Variants in PRDM14 observed in about 807,000 individuals in gnomAD.
PRDM14 encodes the protein PR domain zinc finger protein 14.
In PRDM14, 16 loss-of-function variants were observed where a neutral mutation model predicts 48.0. That is an observed-to-expected ratio of 0.33 (90% CI 0.23 to 0.51). The LOEUF is 0.51. Ranked by LOEUF, PRDM14 falls within the 20% of genes least tolerant of loss-of-function variation. The pLI is 0.97. For synonymous variants in PRDM14, 264 were observed against 276.6 expected, an observed-to-expected ratio of 0.95 and a Z score of 0.45; for missense variants, 566 against 719.6, an observed-to-expected ratio of 0.79 and a Z score of 2.44.
chr8:70,057,632 A>G (rs72663911), intron 6 of PRDM14, among the ~76,000 whole-genome samples: 24,821 of 152,162 alleles, frequency 0.16, 2,141 homozygotes, highest in South Asian at 0.21. Context: ...GCGCCTGGCC[A>G]GTAAGCCATA....
chr8:70,064,921 C>G (rs1193763099), intron 5 of PRDM14, among the ~76,000 whole-genome samples: 1 of 149,020 alleles, frequency 6.7e-6, no homozygotes, highest in Non-Finnish European at 1.5e-5. Context: ...GAGTCTTACT[C>G]TGTTGCCCAG....
At chr8:70,064,656 C>T (rs1340718440) in intron 5 of PRDM14, among the ~76,000 whole-genome samples, 4 of 151,650 alleles carry the variant, frequency 2.6e-5, no homozygotes, top group Non-Finnish European at 5.9e-5. Context: ...TCCCAAGTAG[C>T]TGGGACTACA....
intron 6 of PRDM14, among the ~76,000 whole-genome samples, chr8:70,057,563 C>G (rs1805497093): frequency 6.6e-6 from 1 of 152,170 alleles, no homozygotes; most frequent in South Asian, 2.1e-4. Context: ...AACTCCTGGC[C>G]TCAGGTGATC....
intron 6 of PRDM14, among the ~76,000 whole-genome samples, chr8:70,057,643 AT>A (rs1805498281): frequency 6.6e-6 from 1 of 152,158 alleles, no homozygotes; most frequent in South Asian, 2.1e-4. Flanking sequence ...GTAAGCCATA[AT>A]TTATATAATC....
In PRDM14 at chr8:70,051,727, C is replaced by T; in HGVS notation, c.*350G>A. Reference sequence around the variant, plus strand: ...AAGGAAATAGAGAGAATCCGAATCTCTTGTTTTTACATTGTCTCCACACTC... The same window carrying T: ...AAGGAAATAGAGAGAATCCGAATCTTTTGTTTTTACATTGTCTCCACACTC... On this transcript the variant is annotated 3_prime_UTR_variant, in exon 8 of 8. Transcript: ENST00000276594. The T allele has an allele frequency of 5.4e-6, 1 of 183,634 alleles. No individual in the cohort carries two copies. The highest frequency in any genetic ancestry group is 1.1e-5 in the Non-Finnish European group (1 of 87,584). The allele number at this position is 183,634 out of a possible 1,614,324, so 11.4% of individuals were successfully genotyped here.
intron 5 of PRDM14, among the ~76,000 whole-genome samples, chr8:70,061,157 G>A (rs1393200865): frequency 2.0e-5 from 3 of 152,148 alleles, no homozygotes; most frequent in Non-Finnish European, 2.9e-5. Flanking sequence ...CAGGTCCCAC[G>A]TCCAGGGGTG....
At chr8:70,063,587 C>G (rs7834989) in intron 5 of PRDM14, among the ~76,000 whole-genome samples, 37,911 of 151,638 alleles carry the variant, frequency 0.25, 6,585 homozygotes, top group African/African-American at 0.49. Context: ...GCAGTGGCGC[C>G]ATCTCAGCTC....
chr8:70,052,366 T>A, intron 7 of PRDM14, 62 bp from the exon 8 acceptor site: 1 of 1,348,090 alleles, frequency 7.4e-7, no homozygotes, highest in African/African-American at 1.4e-5. Flanking sequence ...GGACAACCAA[T>A]TAAACTAAGG....
intron 6 of PRDM14, among the ~76,000 whole-genome samples, chr8:70,056,391 C>T (rs551301515): frequency 6.6e-6 from 1 of 152,312 alleles, no homozygotes; most frequent in Non-Finnish European, 1.5e-5. Flanking sequence ...AACAATTTTT[C>T]TCTGAGAAAG....
chr8:70,057,498 G>A (rs1193525462), intron 6 of PRDM14, among the ~76,000 whole-genome samples: 1 of 151,412 alleles, frequency 6.6e-6, no homozygotes, highest in Non-Finnish European at 1.5e-5. Flanking sequence ...CCCGGCTAAT[G>A]TTTTTATATT....
At position 70,069,739 on chromosome 8, in the gene PRDM14, T is replaced by C; in HGVS notation, c.122A>G (p.Asn41Ser). ...TPFPSYGHYR[N>S]SLATVEEDFQ... is the part of the protein sequence containing the mutation. ...GTCTTCCTCCACGGTGGCCAGGCTG[T>C]TTCTGTAGTGTCCATAGGACGGGAA... Residue 41 changes from asparagine (N) to serine (S), a missense_variant, in exon 2 of 8, where the codon AAC (asparagine) becomes AGC (serine). By Grantham distance (46) the Asn-to-Ser change is conservative (BLOSUM62 1). Transcript: ENST00000276594. The C allele has an allele frequency of 1.2e-6, 2 of 1,602,434 alleles. No homozygotes were observed. Among genetic ancestry groups the C allele is most frequent in the Non-Finnish European group, 8.5e-7 (1 of 1,174,784 alleles).
At chr8:70,056,816 CAAAAA>C (rs761330044) in intron 6 of PRDM14, among the ~76,000 whole-genome samples, 1 of 75,392 alleles carries the variant, frequency 1.3e-5, no homozygotes, top group Non-Finnish European at 2.5e-5. Flanking sequence ...GAGACTGTCT[CAAAAA>C]AAAAAAAAAA....
intron 5 of PRDM14, among the ~76,000 whole-genome samples, chr8:70,062,485 T>C (rs1805601979): frequency 6.6e-6 from 1 of 152,174 alleles, no homozygotes; most frequent in African/African-American, 2.4e-5. Flanking sequence ...ATACATACTT[T>C]ATACACATAG....
Position 70,052,248 on chromosome 8 carries a change from C to T in PRDM14, c.1545G>A (p.Lys515=), listed in dbSNP as rs930997158. 2 of 1,614,194 alleles carry T rather than the reference C, an allele frequency of 1.2e-6. No individual in the cohort carries two copies. The highest frequency in any genetic ancestry group is 2.7e-5 in the African/African-American group (2 of 75,062). ...RTHIRQHSGE[K]PFKCKYCGKS... is the part of the protein sequence containing the mutation. Reference sequence around the variant, plus strand: ...TACCACAGTACTTGCATTTGAAGGGCTTCTCCCCGGAGTGCTGCCTGATGT... The same window carrying T: ...TACCACAGTACTTGCATTTGAAGGGTTTCTCCCCGGAGTGCTGCCTGATGT... Residue 515 remains lysine, a synonymous_variant, in exon 8 of 8, where the codon AAG becomes AAA. Transcript: ENST00000276594.
chr8:70,069,882 G>A lies in PRDM14; in HGVS notation c.-22C>T, dbSNP rs778396929. 1.3e-6 allele frequency: 2 copies of A among 1,543,718 alleles called. No homozygotes were observed. Among genetic ancestry groups the A allele is most frequent in the Non-Finnish European group, 1.8e-6 (2 of 1,142,286 alleles). On this transcript the variant is annotated splice_region_variant and 5_prime_UTR_variant, in exon 2 of 8. Transcript: ENST00000276594. ...CCATCCCGGGACCGCACGCTCGGCGGCTCTGCAGAAAAGCGGGCGCCGCTG... is the reference window on the plus strand; with the variant it reads ...CCATCCCGGGACCGCACGCTCGGCGACTCTGCAGAAAAGCGGGCGCCGCTG...
At chr8:70,068,714 AT>A (rs1162091348) in intron 2 of PRDM14, among the ~76,000 whole-genome samples, 182 bp from the exon 3 acceptor site, 2 of 152,152 alleles carry the variant, frequency 1.3e-5, no homozygotes, top group African/African-American at 4.8e-5. Context: ...ACTGTAAACA[AT>A]TCCATATACA....
chr8:70,052,560 A>G (rs1235809533), intron 7 of PRDM14, among the ~76,000 whole-genome samples: 1 of 152,126 alleles, frequency 6.6e-6, no homozygotes, highest in East Asian at 1.9e-4. Flanking sequence ...CTGGAGGTCC[A>G]GTTTGTAAAA....
Position 70,058,675 on chromosome 8 carries a change from T to C in PRDM14, c.1351A>G (p.Ile451Val), listed in dbSNP as rs917353847. 1.9e-6 allele frequency: 3 copies of C among 1,614,056 alleles called. No homozygotes were observed. The highest frequency in any genetic ancestry group is 1.7e-5 in the Admixed American group (1 of 59,988). The change falls in exon 6 of 8, where the codon ATT becomes GTT. Residue 451 changes from isoleucine to valine, a missense_variant. This residue lies in a region of PRDM14 where 126 missense variants were observed against 271.6 expected (regional missense o/e 0.46). Transcript: ENST00000276594. ...FEKRDRLRIH[I>V]LHVHEKHRPH... ...CGGTGCTTCTCATGAACATGAAGAA[T>C]GTGGATCCGAAGCCGGTCCCGCTTC... is the stretch of plus-strand genomic sequence containing the variant.
At position 70,051,765 on chromosome 8, in the gene PRDM14, CATTTTTTTTG is replaced by C; in HGVS notation, c.*302_*311del. 1 of 124,166 alleles carries C rather than the reference CATTTTTTTTG, an allele frequency of 8.1e-6. No individual in the cohort carries two copies. The highest frequency in any genetic ancestry group is 1.4e-5 in the Non-Finnish European group (1 of 70,012). 7.7% of individuals were successfully genotyped at this position (124,166 alleles called of 1,614,324 possible). A position where few individuals can be genotyped will look rare whatever the true frequency, so the allele number is the denominator to read the frequency against. On this transcript the variant is annotated 3_prime_UTR_variant, in exon 8 of 8. Coordinates refer to ENST00000276594, the MANE Select transcript of PRDM14 (RefSeq NM_024504.4). ...TGTCTCCACACTCTTGAGGGCTACT[CATTTTTTTTG>C]TTTTGTTTTGTTTTGAGACAGGGTC...
Sources: allele counts gnomAD v4.1 joint callset (sites outside exome capture counted in the v4.1 genomes callset), GRCh38; gene constraint gnomAD v4.1.1; regional missense constraint gnomAD v4.1.1; transcripts MANE v1.5; gene names NCBI Gene and HGNC (gene_info 2026-07-23, HGNC 2026-07-21).